MACROD2: variants seen among roughly 807,000 people sequenced by gnomAD.
MACROD2 encodes ADP-ribose glycohydrolase MACROD2.
Under a neutral mutation model 70.4 loss-of-function variants are expected in MACROD2, and 36 were observed. The ratio of observed to expected loss-of-function variants is 0.51; its 90% CI spans 0.39 to 0.68. The LOEUF (loss-of-function observed/expected upper bound fraction) is 0.68. Among genes scored for constraint, MACROD2 ranks in the 30% least tolerant of loss-of-function variants. The pLI is 0.00. For synonymous variants in MACROD2, 172 were observed against 178.8 expected, an observed-to-expected ratio of 0.96 and a Z score of 0.30; for missense variants, 496 against 538.4, an observed-to-expected ratio of 0.92 and a Z score of 0.78.
chr20:14,713,552 T>C (rs578169621), intron 5 of MACROD2, among the ~76,000 whole-genome samples: 1 of 152,224 alleles, frequency 6.6e-6, no homozygotes, highest in South Asian at 2.1e-4. Flanking sequence ...TTAGGTGGAG[T>C]CCTCCGAAAC....
At chr20:14,617,617 A>G (rs942611518) in intron 4 of MACROD2, among the ~76,000 whole-genome samples, 3 of 152,180 alleles carry the variant, frequency 2.0e-5, no homozygotes, top group African/African-American at 7.2e-5. Flanking sequence ...ATTATTCATC[A>G]TTAGAGTATT....
At chr20:14,462,028 A>G (rs1199043046) in intron 3 of MACROD2, among the ~76,000 whole-genome samples, 1 of 152,016 alleles carries the variant, frequency 6.6e-6, no homozygotes, top group Non-Finnish European at 1.5e-5. Context: ...ATACCCAGTA[A>G]TGAGCATGGA....
At chr20:14,059,207 T>C (rs2053665132) in intron 2 of MACROD2, among the ~76,000 whole-genome samples, 1 of 152,242 alleles carries the variant, frequency 6.6e-6, no homozygotes, top group Non-Finnish European at 1.5e-5. Flanking sequence ...TTTTTAATGA[T>C]GTAGTTCGTG....
chr20:15,062,446 T>C (rs1568554823), intron 5 of MACROD2, among the ~76,000 whole-genome samples: 1 of 152,044 alleles, frequency 6.6e-6, no homozygotes, highest in Non-Finnish European at 1.5e-5. Context: ...CTGGCAACTC[T>C]GCTTCCAAAC....
At chr20:14,836,952 C>T (rs1194029535) in intron 5 of MACROD2, among the ~76,000 whole-genome samples, 1 of 151,838 alleles carries the variant, frequency 6.6e-6, no homozygotes, top group African/African-American at 2.4e-5. Flanking sequence ...ATAGAAAGCA[C>T]CTGTGCTTAT....
intron 5 of MACROD2, among the ~76,000 whole-genome samples, chr20:14,765,462 G>C (rs183913310): frequency 7.2e-5 from 11 of 152,100 alleles, no homozygotes; most frequent in Admixed American, 3.9e-4. Flanking sequence ...AGATAACCTG[G>C]GGGACAACTG....
At chr20:14,762,751 G>A (rs925026301) in intron 5 of MACROD2, among the ~76,000 whole-genome samples, 7 of 151,908 alleles carry the variant, frequency 4.6e-5, no homozygotes, top group African/African-American at 7.3e-5. Context: ...GCAACATGAC[G>A]AAACTCTGTC....
At position 14,392,485 on chromosome 20, in the gene MACROD2, A is replaced by G. The variant is rs2083537067; in HGVS notation, c.272-100994A>G. ...AAATATTATAAATGACTTAGTATGC[A>G]GAAGCTGGACTTTGCCTTGTTATAT... On this transcript the variant is annotated intron_variant, in intron 3 of 17. Coordinates refer to ENST00000684519, the MANE Select transcript of MACROD2 (RefSeq NM_001351661.2). Among the ~76,000 whole-genome samples the G allele has an allele frequency of 2.6e-5, 4 of 152,304 alleles. No homozygotes were observed. In the South Asian group the frequency reaches 8.3e-4, roughly 32 times the overall value.
At chr20:14,655,353 G>T (rs1211220806) in intron 4 of MACROD2, among the ~76,000 whole-genome samples, 4 of 150,896 alleles carry the variant, frequency 2.7e-5, no homozygotes, top group Non-Finnish European at 5.9e-5. Context: ...GTGTGTGTGT[G>T]TGTGTTTTGA....
At chr20:14,199,983 T>C (rs1407410526) in intron 3 of MACROD2, among the ~76,000 whole-genome samples, 3 of 152,210 alleles carry the variant, frequency 2.0e-5, no homozygotes, top group African/African-American at 4.8e-5. Context: ...ATTGTAAATA[T>C]CATAAGAACC....
chr20:14,547,383 C>G (rs2085503252), intron 4 of MACROD2: 3 of 228,166 alleles, frequency 1.3e-5, no homozygotes. Flanking sequence ...CTGATCTGAT[C>G]TATCTCTTCC....
At chr20:14,349,380 A>G (rs1414992637) in intron 3 of MACROD2, among the ~76,000 whole-genome samples, 5 of 150,988 alleles carry the variant, frequency 3.3e-5, no homozygotes, top group East Asian at 1.9e-4. Flanking sequence ...CCCTTCAAGC[A>G]TTTGTCCTTT....
chr20:14,271,431 G>T (rs1601420238), intron 3 of MACROD2, among the ~76,000 whole-genome samples: 1 of 152,200 alleles, frequency 6.6e-6, no homozygotes, highest in Admixed American at 6.5e-5. Flanking sequence ...GCAGCTGAGG[G>T]TCCTGTCTGT....
chr20:15,927,776 C>G lies in MACROD2; in HGVS notation c.776-5500C>G, dbSNP rs1455839119. On this transcript the variant is annotated intron_variant, in intron 10 of 17. Coordinates refer to ENST00000684519, the MANE Select transcript of MACROD2 (RefSeq NM_001351661.2). The stretch of plus-strand genomic sequence containing the variant: ...TAAGCTATTAAAATAGATCAATCAG[C>G]TAATGACACCTCCAGACAAAATTTG... 3.3e-5 allele frequency among the ~76,000 whole-genome samples: 5 copies of G among 152,190 alleles called. No individual in the cohort carries two copies. In the East Asian group the frequency reaches 5.8e-4, roughly 18 times the overall value.
intron 2 of MACROD2, among the ~76,000 whole-genome samples, chr20:14,045,152 G>A (rs1316252041): frequency 1.3e-5 from 2 of 152,212 alleles, no homozygotes; most frequent in Admixed American, 1.3e-4. Context: ...CCCGGTTCCC[G>A]CCTGCGCCTC....
At chr20:14,281,094 A>G (rs1265213444) in intron 3 of MACROD2, among the ~76,000 whole-genome samples, 1 of 152,234 alleles carries the variant, frequency 6.6e-6, no homozygotes, top group East Asian at 1.9e-4. Flanking sequence ...TACCCAAGAA[A>G]ATCACAAAGA....
chr20:15,946,300 C>T (rs1261158505), intron 12 of MACROD2, among the ~76,000 whole-genome samples: 5 of 152,134 alleles, frequency 3.3e-5, no homozygotes, highest in East Asian at 1.9e-4. Context: ...TTCAGAGTCA[C>T]TCTCAATATC....
At chr20:14,480,934 A>G (rs2084656532) in intron 3 of MACROD2, among the ~76,000 whole-genome samples, 1 of 152,302 alleles carries the variant, frequency 6.6e-6, no homozygotes, top group African/African-American at 2.4e-5. Flanking sequence ...TATTAATAGA[A>G]GCCAACTACA....
intron 3 of MACROD2, among the ~76,000 whole-genome samples, chr20:14,369,731 T>G (rs1399121669): frequency 6.6e-6 from 1 of 152,222 alleles, no homozygotes; most frequent in Non-Finnish European, 1.5e-5. Context: ...TTTAATTATT[T>G]GCATATATTT....
Sources: allele counts gnomAD v4.1 joint callset (sites outside exome capture counted in the v4.1 genomes callset), GRCh38; gene constraint gnomAD v4.1.1; transcripts MANE v1.5; gene names NCBI Gene and HGNC (gene_info 2026-07-23, HGNC 2026-07-21).